NOTCH2: variants seen among roughly 807,000 people sequenced by gnomAD.
NOTCH2 encodes notch receptor 2.
Under a neutral mutation model 235.8 loss-of-function variants are expected in NOTCH2, and 29 were observed. The ratio of observed to expected loss-of-function variants is 0.12; its 90% CI spans 0.09 to 0.17. The LOEUF is 0.17. Among genes scored for constraint, NOTCH2 ranks in the 10% least tolerant of loss-of-function variants. NOTCH2 has a pLI of 1.00. For synonymous variants in NOTCH2, 1,086 were observed against 1,141.5 expected, an observed-to-expected ratio of 0.95 and a Z score of 0.98; for missense variants, 2,285 against 3,150.2, an observed-to-expected ratio of 0.73 and a Z score of 6.57.
intron 21 of NOTCH2, among the ~76,000 whole-genome samples, chr1:119,936,207 G>C (rs1553195710): frequency 6.6e-6 from 1 of 152,204 alleles, no homozygotes; most frequent in Non-Finnish European, 1.5e-5. Flanking sequence ...TTGCACCTGG[G>C]AGAAGTCCCA....
chr1:119,987,487 C>A (rs1247442681), intron 4 of NOTCH2, among the ~76,000 whole-genome samples: 2 of 152,056 alleles, frequency 1.3e-5, no homozygotes, highest in Non-Finnish European at 2.9e-5. Context: ...ATTTAAGTTC[C>A]TTTTATTTTT....
intron 2 of NOTCH2, among the ~76,000 whole-genome samples, chr1:120,006,797 T>C (rs1408849817): frequency 6.6e-6 from 1 of 152,188 alleles, no homozygotes; most frequent in Non-Finnish European, 1.5e-5. Context: ...GTCCTGATTT[T>C]CCTAATCATT....
At chr1:120,068,829 C>T (rs1477106862) in intron 1 of NOTCH2, 3 of 453,976 alleles carry the variant, frequency 6.6e-6, no homozygotes, top group Non-Finnish European at 1.3e-5. Flanking sequence ...CCAAACCAAG[C>T]CCACACACCC....
Position 119,917,684 on chromosome 1 carries a change from CGGTT to C in NOTCH2, c.6004_6007del (p.Asn2002GlufsTer28). The C allele has an allele frequency of 6.2e-7, 1 of 1,612,972 alleles. No homozygotes were observed. The highest frequency in any genetic ancestry group is 8.5e-7 in the Non-Finnish European group (1 of 1,179,138). On this transcript the variant is annotated frameshift_variant, in exon 33 of 34. Transcript: ENST00000256646. LOFTEE classifies it high-confidence loss of function. ...CTGTACCTTGTTGTCCTGCATGTCTCGGTTGGCCCCATTTTTCAACAACAAAAGA... is the reference window on the plus strand; with the variant it reads ...CTGTACCTTGTTGTCCTGCATGTCTCGGCCCCATTTTTCAACAACAAAAGA...
At position 119,965,439 on chromosome 1, in the gene NOTCH2, GA is replaced by G. The variant is rs782745616; in HGVS notation, c.1681+13del. 8.2e-6 allele frequency: 13 copies of G among 1,594,380 alleles called. No individual in the cohort carries two copies. The African/African-American group carries it at 1.7e-4, about 21-fold the overall frequency. ...TGGACCTACCAAGGAGATGAAAAGT[GA>G]GAAGAATCTTACCTGTGGCACACTG... On this transcript the variant is annotated intron_variant, in intron 10 of 33. Coordinates refer to ENST00000256646, the MANE Select transcript of NOTCH2 (RefSeq NM_024408.4).
In NOTCH2 at chr1:119,931,636, T is replaced by C. The variant is rs587642341; in HGVS notation, c.3656-2424A>G. On this transcript the variant is annotated intron_variant, in intron 22 of 33. Coordinates refer to ENST00000256646, the MANE Select transcript of NOTCH2 (RefSeq NM_024408.4). Reference sequence around the variant, plus strand: ...CAAAAATACACATGGGAATTTAGAATCTGGCAAAGGTGCCATCTCAAATCA... The same window carrying C: ...CAAAAATACACATGGGAATTTAGAACCTGGCAAAGGTGCCATCTCAAATCA... 6.0e-4 allele frequency among the ~76,000 whole-genome samples: 92 copies of C among 152,260 alleles called. 2 individuals carry two copies. Among genetic ancestry groups the C allele is most frequent in the African/African-American group, 2.2e-3 (90 of 41,568 alleles).
intron 4 of NOTCH2, 151 bp from the exon 5 acceptor site, chr1:119,987,233 C>T (rs1374663070): frequency 2.3e-6 from 2 of 887,366 alleles, no homozygotes; most frequent in Non-Finnish European, 1.8e-6. Flanking sequence ...GAAAAATCCC[C>T]AATTCTCTGT....
chr1:119,982,166 A>G (rs1168873017), intron 5 of NOTCH2, among the ~76,000 whole-genome samples: 1 of 152,192 alleles, frequency 6.6e-6, no homozygotes, highest in Non-Finnish European at 1.5e-5. Context: ...ACTGACAGCA[A>G]TGAAAACCTC....
intron 3 of NOTCH2, 154 bp downstream of exon 3, chr1:120,005,175 G>A (rs1652917727): frequency 4.4e-6 from 4 of 900,518 alleles, no homozygotes; most frequent in African/African-American, 3.2e-5. Flanking sequence ...GGAAGTTAGG[G>A]ATAGTTGTCT....
intron 1 of NOTCH2, among the ~76,000 whole-genome samples, chr1:120,058,321 T>C (rs1422148025): frequency 1.3e-5 from 2 of 151,038 alleles, no homozygotes; most frequent in African/African-American, 4.9e-5. Context: ...CTGCCCAACA[T>C]AGAGAAACCC....
chr1:119,931,461 G>C (rs929671926), intron 22 of NOTCH2, among the ~76,000 whole-genome samples: 5 of 151,118 alleles, frequency 3.3e-5, no homozygotes, highest in Admixed American at 2.0e-4. Flanking sequence ...TTATCAACAG[G>C]AATTTATTAA....
chr1:120,001,901 G>GT (rs56727352), intron 3 of NOTCH2, among the ~76,000 whole-genome samples: 6,273 of 151,470 alleles, frequency 0.041, no homozygotes, highest in East Asian at 0.12. Flanking sequence ...AAGCAGAACG[G>GT]TGGAATGGCC....
Position 119,926,487 on chromosome 1 carries a change from C to A in NOTCH2, c.4005+12G>T. 6.4e-7 allele frequency: 1 copy of A among 1,573,642 alleles called. No individual in the cohort carries two copies. The highest frequency in any genetic ancestry group is 8.7e-7 in the Non-Finnish European group (1 of 1,149,672). The stretch of plus-strand genomic sequence containing the variant: ...ACAATGCCCCTTCTTAGATGAGCAA[C>A]AGGGCACTTACCGGGGGACAACGGC... On this transcript the variant is annotated intron_variant, in intron 24 of 33. Coordinates refer to ENST00000256646, the MANE Select transcript of NOTCH2 (RefSeq NM_024408.4).
At chr1:119,977,843 A>T (rs1406883884) in intron 5 of NOTCH2, among the ~76,000 whole-genome samples, 1 of 152,208 alleles carries the variant, frequency 6.6e-6, no homozygotes, top group Non-Finnish European at 1.5e-5. Context: ...TAATTCATTC[A>T]TTCGTTTATC....
At chr1:119,980,033 T>C (rs1651753179) in intron 5 of NOTCH2, among the ~76,000 whole-genome samples, 2 of 152,238 alleles carry the variant, frequency 1.3e-5, no homozygotes, top group Admixed American at 6.5e-5. Flanking sequence ...ATGTGGCTTA[T>C]GTTCTCGCTC....
intron 23 of NOTCH2, 91 bp from the exon 24 acceptor site, chr1:119,926,702 T>C: frequency 1.0e-6 from 1 of 987,958 alleles, no homozygotes; most frequent in Non-Finnish European, 1.6e-6. Flanking sequence ...GAACTAGCCA[T>C]AGGTGAAGCA....
Position 120,005,173 on chromosome 1 carries a change from G to C in NOTCH2, c.415+156C>G, listed in dbSNP as rs587679989. On this transcript the variant is annotated intron_variant, in intron 3 of 33. Transcript: ENST00000256646. ...CCCTGAAACTCTTAAAAGGAAGTTA[G>C]GGATAGTTGTCTGGAACATCCCAGT... 117 of 896,948 alleles carry C rather than the reference G, an allele frequency of 1.3e-4. 1 individual carries two copies. In the African/African-American group the frequency reaches 1.8e-3, roughly 14 times the overall value. 55.6% of individuals were successfully genotyped at this position (896,948 alleles called of 1,614,324 possible).
rs2101137246 is a variant in NOTCH2, at chr1:119,963,745, C to G, written c.1744G>C (p.Gly582Arg). 1 of 1,614,124 alleles carries G rather than the reference C, an allele frequency of 6.2e-7. No homozygotes were observed. The highest frequency in any genetic ancestry group is 8.5e-7 in the Non-Finnish European group (1 of 1,179,998). The change falls in exon 11 of 34, where the codon GGT (glycine) becomes CGT (arginine). Residue 582 changes from glycine (G) to arginine (R), a missense_variant. By Grantham distance (125) the Gly-to-Arg change is moderately radical. This residue lies in a region of NOTCH2 where 431 missense variants were observed against 757.8 expected (regional missense o/e 0.57). Transcript: ENST00000256646. ...GAATCAATACCATCCTGACACTGAC[C>G]ATGGTGGCAAGGATCGGGGTCACAG... is the stretch of plus-strand genomic sequence containing the variant. The part of the protein sequence containing the change: ...DNCDPDPCHH[G>R]QCQDGIDSYT...
intron 8 of NOTCH2, 71 bp from the exon 9 acceptor site, chr1:119,966,560 T>C (rs1651145058): frequency 9.5e-7 from 1 of 1,054,548 alleles, no homozygotes; most frequent in East Asian, 2.4e-5. Flanking sequence ...AAGCACAAAT[T>C]TGCAATGATA....
Sources: gnomAD v4.1 joint callset for allele counts (sites outside exome capture counted in the v4.1 genomes callset) on GRCh38, gnomAD v4.1.1 for gene constraint, gnomAD v4.1.1 regional missense constraint, MANE v1.5 for transcripts, NCBI Gene and HGNC (gene_info 2026-07-23, HGNC 2026-07-21) for gene names.